The following KIF6 variants were observed in gnomAD, a reference collection of about 807,000 sequenced individuals.
KIF6 encodes the protein kinesin family member 6, also known as kinesin-like protein KIF6.
A neutral mutation model predicts 112.7 loss-of-function variants in KIF6; 106 were observed. That is an observed-to-expected ratio of 0.94 (90% CI 0.80 to 1.11). The LOEUF (loss-of-function observed/expected upper bound fraction) is 1.11, where lower values mean the gene tolerates loss of function less well. Ranked by LOEUF, KIF6 falls within the 50% of genes least tolerant of loss-of-function variation. KIF6 has a pLI of 0.00. For synonymous variants in KIF6, 339 were observed against 339.9 expected, an observed-to-expected ratio of 1.00 and a Z score of 0.03; for missense variants, 929 against 964.0, an observed-to-expected ratio of 0.96 and a Z score of 0.48.
chr6:39,357,448 C>CTTT (rs552350303), intron 18 of KIF6, 74 bp from the exon 19 acceptor site: 86 of 544,636 alleles, frequency 1.6e-4, no homozygotes, highest in African/African-American at 2.9e-4. Flanking sequence ...TGATGTAATT[C>CTTT]TTTTTTTTTT....
At chr6:39,594,835 A>G (rs1173355053) in intron 7 of KIF6, among the ~76,000 whole-genome samples, 2 of 151,740 alleles carry the variant, frequency 1.3e-5, no homozygotes, top group African/African-American at 4.8e-5. Flanking sequence ...CATGTTTCTT[A>G]TTTTTTATTT....
intron 3 of KIF6, among the ~76,000 whole-genome samples, chr6:39,678,322 A>G (rs1787302323): frequency 6.6e-6 from 1 of 152,208 alleles, no homozygotes; most frequent in African/African-American, 2.4e-5. Flanking sequence ...AAATGAGTAT[A>G]ATTCAGACAA....
intron 10 of KIF6, among the ~76,000 whole-genome samples, chr6:39,548,808 G>A (rs1228564521): frequency 1.3e-5 from 2 of 152,128 alleles, no homozygotes; most frequent in South Asian, 2.1e-4. Flanking sequence ...GAAAAGTCTC[G>A]CTAAGGAGGT....
Position 39,483,146 on chromosome 6 carries a change from G to A in KIF6, c.1646-51985C>T, listed in dbSNP as rs148298248. Among the ~76,000 whole-genome samples the A allele has an allele frequency of 4.0e-4, 61 of 152,302 alleles. 1 individual carries two copies. Among genetic ancestry groups the A allele is most frequent in the African/African-American group, 1.1e-3 (46 of 41,566 alleles). On this transcript the variant is annotated intron_variant, in intron 13 of 22. Coordinates refer to ENST00000287152, the MANE Select transcript of KIF6 (RefSeq NM_145027.6). Reference sequence around the variant, plus strand: ...CTGTTTTAAAAGAAAATATTCAGCCGATTTGAGAGATTTTCCTCCTTTCTC... The same window carrying A: ...CTGTTTTAAAAGAAAATATTCAGCCAATTTGAGAGATTTTCCTCCTTTCTC...
At chr6:39,441,382 C>G (rs573873743) in intron 13 of KIF6, among the ~76,000 whole-genome samples, 2 of 152,168 alleles carry the variant, frequency 1.3e-5, no homozygotes, top group Non-Finnish European at 2.9e-5. Context: ...GTCATCATGC[C>G]GGTGCCACCT....
intron 16 of KIF6, among the ~76,000 whole-genome samples, chr6:39,375,458 T>C (rs1766368443): frequency 1.3e-5 from 2 of 152,184 alleles, no homozygotes; most frequent in African/African-American, 2.4e-5. Context: ...ACCCCCAAAA[T>C]ATATACAATT....
intron 15 of KIF6, 24 bp downstream of exon 15, chr6:39,419,924 G>A (rs768084117): frequency 6.9e-5 from 110 of 1,592,618 alleles, no homozygotes; most frequent in Non-Finnish European, 8.7e-5. Context: ...TCTGAAAGAG[G>A]CTCACAGAAT....
intron 13 of KIF6, among the ~76,000 whole-genome samples, chr6:39,478,549 T>A (rs1421646967): frequency 1.3e-5 from 2 of 152,198 alleles, no homozygotes; most frequent in African/African-American, 4.8e-5. Flanking sequence ...TCTGGGTAGA[T>A]ACCTAGGAGT....
At chr6:39,485,543 G>C (rs1775061506) in intron 13 of KIF6, among the ~76,000 whole-genome samples, 1 of 152,094 alleles carries the variant, frequency 6.6e-6, no homozygotes, top group African/African-American at 2.4e-5. Flanking sequence ...ACACATAGTA[G>C]GCCAGGAATC....
intron 15 of KIF6, among the ~76,000 whole-genome samples, chr6:39,401,652 C>T (rs557976599): frequency 6.6e-6 from 1 of 151,980 alleles, no homozygotes; most frequent in African/African-American, 2.4e-5. Context: ...CCAGCACCAG[C>T]CTGCCCCACA....
rs1320553689 is a variant in KIF6, at chr6:39,682,211, T to C, written c.251+32481A>G. ...TGCATCGCTAAACAATAGTGATACA[T>C]TCTGTGAAATCCTTCATTTGGAGAT... On this transcript the variant is annotated intron_variant, in intron 3 of 22. Coordinates refer to ENST00000287152, the MANE Select transcript of KIF6 (RefSeq NM_145027.6). Among the ~76,000 whole-genome samples, 14 of 152,222 alleles carry C rather than the reference T, an allele frequency of 9.2e-5. No individual in the cohort carries two copies. The South Asian group carries it at 2.3e-3, about 25-fold the overall frequency.
chr6:39,683,821 G>A (rs1049366583), intron 3 of KIF6, among the ~76,000 whole-genome samples: 9 of 152,168 alleles, frequency 5.9e-5, no homozygotes, highest in Non-Finnish European at 1.3e-4. Flanking sequence ...ATGTACAAGA[G>A]AGATATAAAA....
chr6:39,670,917 C>A (rs1230254317), intron 3 of KIF6, among the ~76,000 whole-genome samples: 1 of 152,168 alleles, frequency 6.6e-6, no homozygotes, highest in East Asian at 1.9e-4. Context: ...TAGTAGTTAA[C>A]ACTTAGTTAA....
chr6:39,644,637 T>C (rs1785073349), intron 3 of KIF6, among the ~76,000 whole-genome samples: 2 of 152,128 alleles, frequency 1.3e-5, no homozygotes. Context: ...AGTAGGTTAG[T>C]GTTAGACAGG....
In KIF6 at chr6:39,540,434, C is replaced by T. The variant is rs577362820; in HGVS notation, c.1427-213G>A. 5.9e-5 allele frequency among the ~76,000 whole-genome samples: 9 copies of T among 152,284 alleles called. No individual in the cohort carries two copies. The South Asian group carries it at 8.3e-4, about 14-fold the overall frequency. On this transcript the variant is annotated intron_variant, in intron 12 of 22. Transcript: ENST00000287152. ...CACCACTGTATGAAAAATTAGCAAA[C>T]GCAAGGTCTTTACAATGTTCTGAGT...
intron 6 of KIF6, among the ~76,000 whole-genome samples, chr6:39,607,666 T>C (rs1025481720): frequency 2.0e-5 from 3 of 152,100 alleles, no homozygotes. Context: ...GCTCAAGCAA[T>C]CCTCCTGCCT....
rs1212794740 is a variant in KIF6 at position 39,346,085 on chromosome 6, T to TCTCTCC, written c.2232-297_2232-296insGGAGAG. On this transcript the variant is annotated intron_variant, in intron 20 of 22. Coordinates refer to ENST00000287152, the MANE Select transcript of KIF6 (RefSeq NM_145027.6). ...CTCTCTCTCTCTCTCTCTCTCTCTC[T>TCTCTCC]CCCCCCCCTCTCCCTCCCCCCCTCC... 3.7e-4 allele frequency among the ~76,000 whole-genome samples: 8 copies of TCTCTCC among 21,596 alleles called. 1 individual carries two copies. The highest frequency in any genetic ancestry group is 6.3e-4 in the Admixed American group (1 of 1,598). 14.2% of individuals were successfully genotyped at this position (21,596 alleles called of 152,430 possible).
chr6:39,578,033 GA>G (rs3830834), intron 10 of KIF6, 22 bp downstream of exon 10: 26 of 1,519,462 alleles, frequency 1.7e-5, no homozygotes, highest in African/African-American at 4.2e-5. Flanking sequence ...TAAAGAAAAA[GA>G]AAAAAAAGTC....
intron 13 of KIF6, among the ~76,000 whole-genome samples, chr6:39,484,922 A>C (rs369937111): frequency 2.6e-5 from 4 of 152,138 alleles, no homozygotes; most frequent in South Asian, 4.2e-4. Context: ...CACTCTAGGC[A>C]CCTTTCTCTG....
Sources: gnomAD v4.1 joint callset for allele counts (sites outside exome capture counted in the v4.1 genomes callset) on GRCh38, gnomAD v4.1.1 for gene constraint, MANE v1.5 for transcripts, NCBI Gene and HGNC (gene_info 2026-07-23, HGNC 2026-07-21) for gene names.